ZNF83: variants seen among roughly 807,000 people sequenced by gnomAD.
ZNF83 encodes the protein zinc finger protein 816B.
For missense variants in ZNF83, 552 were observed against 629.9 expected (o/e 0.88, Z 1.32); for synonymous variants, 209 against 213.0 (o/e 0.98, Z 0.17).
intron 1 of ZNF83, among the ~76,000 whole-genome samples, chr19:52,675,053 G>C (rs548363623): frequency 6.6e-6 from 1 of 152,300 alleles, no homozygotes; most frequent in Admixed American, 6.5e-5. Context: ...ACAGTGAAAT[G>C]AGTGACACAG....
chr19:52,676,172 G>C (rs1018856161), intron 1 of ZNF83, among the ~76,000 whole-genome samples: 6 of 152,174 alleles, frequency 3.9e-5, no homozygotes, highest in African/African-American at 1.4e-4. Flanking sequence ...TGGTGGAGAC[G>C]GGGTTTCGCT....
intron 1 of ZNF83, among the ~76,000 whole-genome samples, chr19:52,671,769 T>C (rs2061730006): frequency 6.6e-6 from 1 of 152,210 alleles, no homozygotes; most frequent in Admixed American, 6.5e-5. Context: ...GTGTTTTCTT[T>C]GTTATTCTCT....
intron 1 of ZNF83, among the ~76,000 whole-genome samples, chr19:52,678,639 A>G (rs2061858337): frequency 6.6e-6 from 1 of 152,008 alleles, no homozygotes; most frequent in African/African-American, 2.4e-5. Flanking sequence ...CCAGGCCCTC[A>G]TATCCTCATG....
Position 52,614,296 on chromosome 19 carries a change from G to C in ZNF83, c.269C>G (p.Thr90Arg), listed in dbSNP as rs61732591. The C allele has an allele frequency of 1.0e-3, 1,640 of 1,613,932 alleles. 18 individuals are homozygous for C. The African/African-American group carries it at 0.019, about 19-fold the overall frequency. ...ACGCTCACTACATTTGTAGTGTTCT[G>C]TCCCAATATTTGCTTTCTCTTTTTG... The change falls in exon 3 of 3, where the codon ACA becomes AGA. Residue 90 changes from threonine (T) to arginine (R), a missense_variant. Physicochemically the swap from Thr to Arg is moderately conservative, Grantham distance 71. Coordinates refer to ENST00000301096, the Ensembl canonical transcript of ZNF83.
intron 1 of ZNF83, among the ~76,000 whole-genome samples, chr19:52,673,710 T>C (rs755724629): frequency 4.6e-5 from 7 of 151,820 alleles, no homozygotes; most frequent in Non-Finnish European, 7.4e-5. Flanking sequence ...GGTGACAGAG[T>C]GAGACTCCAA....
exon 3 of ZNF83, chr19:52,614,289 G>A (rs767643904): frequency 1.2e-6 from 2 of 1,614,108 alleles, no homozygotes; most frequent in South Asian, 1.1e-5. Context: ...TACATTTGTA[G>A]TGTTCTGTCC....
At chr19:52,634,178 A>G (rs1270731959) in intron 2 of ZNF83, among the ~76,000 whole-genome samples, 2 of 151,906 alleles carry the variant, frequency 1.3e-5, no homozygotes, top group Non-Finnish European at 1.5e-5. Context: ...AGGCTGAGGT[A>G]GGAGAATCAC....
intron 1 of ZNF83, among the ~76,000 whole-genome samples, chr19:52,664,558 C>A (rs894124807): frequency 6.6e-6 from 1 of 152,062 alleles, no homozygotes; most frequent in African/African-American, 2.4e-5. Flanking sequence ...GAATCTAAGG[C>A]CAATTAACAC....
chr19:52,645,459 A>G (rs1303248824), intron 3 of ZNF83, among the ~76,000 whole-genome samples: 1 of 152,230 alleles, frequency 6.6e-6, no homozygotes, highest in African/African-American at 2.4e-5. Flanking sequence ...TATAGGATGC[A>G]ACAAAGGCAT....
At chr19:52,661,730 G>A (rs1173021929) in intron 1 of ZNF83, among the ~76,000 whole-genome samples, 1 of 152,164 alleles carries the variant, frequency 6.6e-6, no homozygotes, top group Non-Finnish European at 1.5e-5. Context: ...AGGATCCAGT[G>A]AACAGCGAAG....
intron 1 of ZNF83, among the ~76,000 whole-genome samples, chr19:52,689,176 G>A (rs2062100065): frequency 1.3e-5 from 2 of 152,180 alleles, no homozygotes; most frequent in Admixed American, 1.3e-4. Flanking sequence ...CTTTTGTAAG[G>A]CCACTTATAA....
intron 2 of ZNF83, among the ~76,000 whole-genome samples, chr19:52,620,370 A>C (rs1341150734): frequency 6.6e-6 from 1 of 151,602 alleles, no homozygotes; most frequent in South Asian, 2.1e-4. Context: ...GCAGGGGAGA[A>C]TCTGTTCAGT....
rs201377571 is a variant in ZNF83 at position 52,663,170 on chromosome 19, GA to G, written c.-282-2328del. ...AGAGTGACACTCCATCTCAAAAAAG[GA>G]AAAAAAAAATTCCAGGACCATCTGT... On this transcript the variant is annotated intron_variant, in intron 1 of 5. Coordinates refer to the ZNF83 transcript ENST00000594682. Among the ~76,000 whole-genome samples, 144 of 148,472 alleles carry G rather than the reference GA, an allele frequency of 9.7e-4. 1 individual carries two copies. Among genetic ancestry groups the G allele is most frequent in the African/African-American group, 3.2e-3 (130 of 40,598 alleles).
At chr19:52,683,759 T>G (rs2061967277) in intron 1 of ZNF83, among the ~76,000 whole-genome samples, 1 of 152,288 alleles carries the variant, frequency 6.6e-6, no homozygotes, top group South Asian at 2.1e-4. Flanking sequence ...CAATTAGAGT[T>G]GAAATTTCCA....
chr19:52,664,637 G>C (rs1021440629), intron 1 of ZNF83, among the ~76,000 whole-genome samples: 6 of 152,090 alleles, frequency 3.9e-5, no homozygotes, highest in Non-Finnish European at 8.8e-5. Context: ...GCCAGGACTG[G>C]GGGGTGGAAC....
At chr19:52,656,062 C>T (rs532672671) in intron 2 of ZNF83, among the ~76,000 whole-genome samples, 1 of 151,974 alleles carries the variant, frequency 6.6e-6, no homozygotes, top group South Asian at 2.1e-4. Context: ...AACACAAAAA[C>T]ATTAACTGGG....
chr19:52,653,485 GGTTTCTCTCCAGTA>G (rs2061469389), intron 3 of ZNF83, among the ~76,000 whole-genome samples: 1 of 152,154 alleles, frequency 6.6e-6, no homozygotes, highest in African/African-American at 2.4e-5. Context: ...ACATTTGTAT[GGTTTCTCTCCAGTA>G]TGAATTCGCC....
Position 52,628,933 on chromosome 19 carries a change from C to T in ZNF83, c.-234+6133G>A, listed in dbSNP as rs1568544179. ...ATGCCCTGACCTCATATCTCTGTGCCCCAACCGCTTTCCCACTTTTCTGGA... is the reference window on the plus strand; with the variant it reads ...ATGCCCTGACCTCATATCTCTGTGCTCCAACCGCTTTCCCACTTTTCTGGA... On this transcript the variant is annotated intron_variant, in intron 2 of 2. Coordinates refer to ENST00000301096, the Ensembl canonical transcript of ZNF83. Among the ~76,000 whole-genome samples the T allele has an allele frequency of 2.6e-5, 4 of 151,964 alleles. No individual in the cohort carries two copies. The South Asian group carries it at 6.2e-4, about 24-fold the overall frequency.
At chr19:52,679,088 T>C (rs2061866346) in intron 1 of ZNF83, among the ~76,000 whole-genome samples, 1 of 152,116 alleles carries the variant, frequency 6.6e-6, no homozygotes, top group Non-Finnish European at 1.5e-5. Flanking sequence ...CTACAACAAA[T>C]TGAACAAAGG....
Sources: allele counts gnomAD v4.1 joint callset (sites outside exome capture counted in the v4.1 genomes callset), GRCh38; gene constraint gnomAD v4.1.1; transcripts MANE v1.5; gene names NCBI Gene and HGNC (gene_info 2026-07-23, HGNC 2026-07-21).